The following CDH12 variants were observed in gnomAD, a reference collection of about 807,000 sequenced individuals.
CDH12 encodes cadherin 12.
A neutral mutation model predicts 74.1 loss-of-function variants in CDH12; 41 were observed. That is an observed-to-expected ratio of 0.55 (90% CI 0.43 to 0.72). The LOEUF is 0.72. CDH12 is among the 30% of genes least tolerant of loss of function. The pLI, the probability that CDH12 is intolerant of heterozygous loss-of-function variation, is 0.00. For synonymous variants in CDH12, 399 were observed against 355.0 expected (o/e 1.12, Z -1.39); for missense variants, 945 against 977.2 (o/e 0.97, Z 0.44).
At position 22,182,990 on chromosome 5, in the gene CDH12, T is replaced by C. The variant is rs1287400876; in HGVS notation, c.-187+29508A>G. ...TTAGAAGAATAATAGAGATAAGTAC[T>C]ACATGGTGCTCAAAGAGAGAAGTGG... On this transcript the variant is annotated intron_variant, in intron 4 of 14. Transcript: ENST00000382254. 3.3e-5 allele frequency among the ~76,000 whole-genome samples: 5 copies of C among 151,508 alleles called. No homozygotes were observed. In the East Asian group the frequency reaches 7.7e-4, roughly 23 times the overall value.
At chr5:22,152,424 T>C (rs13154299) in intron 4 of CDH12, 4 of 152,162 alleles carry the variant, frequency 2.6e-5, no homozygotes, top group Admixed American at 6.6e-5. Flanking sequence ...TGCCTGAGGC[T>C]GTATCATCAA....
chr5:22,305,633 C>A (rs190864278), intron 3 of CDH12, among the ~76,000 whole-genome samples: 1 of 152,190 alleles, frequency 6.6e-6, no homozygotes, highest in Admixed American at 6.5e-5. Context: ...AGGGCATAAC[C>A]TTGGGAGACC....
intron 3 of CDH12, among the ~76,000 whole-genome samples, chr5:22,307,949 C>T (rs565994326): frequency 2.2e-4 from 27 of 125,534 alleles, no homozygotes; most frequent in African/African-American, 5.2e-4. Flanking sequence ...GGCGCGATCT[C>T]GGCTCACTGC....
intron 1 of CDH12, among the ~76,000 whole-genome samples, chr5:22,780,424 A>G (rs191207626): frequency 4.3e-4 from 65 of 152,228 alleles, no homozygotes; most frequent in Non-Finnish European, 6.9e-4. Context: ...ATTGACTCAT[A>G]TTTCTGCATG....
At chr5:22,592,437 C>T (rs1419190328) in intron 1 of CDH12, among the ~76,000 whole-genome samples, 1 of 152,182 alleles carries the variant, frequency 6.6e-6, no homozygotes, top group East Asian at 1.9e-4. Flanking sequence ...GCCATCTTCT[C>T]CTTCTTCTAG....
intron 1 of CDH12, among the ~76,000 whole-genome samples, chr5:22,767,148 C>A (rs567098962): frequency 6.6e-6 from 1 of 151,834 alleles, no homozygotes; most frequent in Non-Finnish European, 1.5e-5. Context: ...TCCACCTTGT[C>A]TAGGATTGAT....
At chr5:22,365,828 A>G (rs933450045) in intron 3 of CDH12, among the ~76,000 whole-genome samples, 26 of 152,198 alleles carry the variant, frequency 1.7e-4, no homozygotes, top group Non-Finnish European at 1.5e-5. Context: ...AATATTCTAA[A>G]CTATTGTATT....
At position 22,279,909 on chromosome 5, in the gene CDH12, G is replaced by T. The variant is rs1736803057; in HGVS notation, c.-332-67266C>A. On this transcript the variant is annotated intron_variant, in intron 3 of 14. Coordinates refer to ENST00000382254, the MANE Select transcript of CDH12 (RefSeq NM_004061.5). ...ATATACCCGGTAATGGGATGGCTGG[G>T]TCAAATGGTATTTCTAGTTTTAGAT... 2.0e-5 allele frequency among the ~76,000 whole-genome samples: 3 copies of T among 152,252 alleles called. No individual in the cohort carries two copies. In the South Asian group the frequency reaches 6.2e-4, roughly 32 times the overall value.
chr5:22,112,346 T>C (rs1054486811), intron 4 of CDH12, among the ~76,000 whole-genome samples: 15 of 152,146 alleles, frequency 9.9e-5, no homozygotes, highest in Non-Finnish European at 2.1e-4. Flanking sequence ...TTTTTCTTTT[T>C]GATGCATTCA....
chr5:22,000,018 C>A (rs903520696), intron 5 of CDH12, among the ~76,000 whole-genome samples: 1 of 152,000 alleles, frequency 6.6e-6, no homozygotes, highest in African/African-American at 2.4e-5. Context: ...TGTCTAGTTT[C>A]TTTTTCCCAT....
rs76472560 is a variant in CDH12 at position 22,775,191 on chromosome 5, G to A, written c.-523+77867C>T. Among the ~76,000 whole-genome samples the A allele has an allele frequency of 8.7e-3, 1,322 of 152,108 alleles. 23 individuals are homozygous for A. The highest frequency in any genetic ancestry group is 0.03 in the African/African-American group (1,262 of 41,494). ...TCAACGTAAGTGAAATTTTGACCTA[G>A]TTGTGCTTGGATGCATCAGCCTGGA... is the stretch of plus-strand genomic sequence containing the variant. On this transcript the variant is annotated intron_variant, in intron 1 of 14. Coordinates refer to ENST00000382254, the MANE Select transcript of CDH12 (RefSeq NM_004061.5).
intron 1 of CDH12, among the ~76,000 whole-genome samples, chr5:22,726,674 A>G (rs1459363905): frequency 6.6e-6 from 1 of 151,802 alleles, no homozygotes; most frequent in East Asian, 1.9e-4. Flanking sequence ...GTAGTGTCAC[A>G]TGATGTTTTT....
At chr5:22,264,060 A>C (rs1561265906) in intron 3 of CDH12, among the ~76,000 whole-genome samples, 1 of 151,586 alleles carries the variant, frequency 6.6e-6, no homozygotes, top group Non-Finnish European at 1.5e-5. Flanking sequence ...CTGAAAATCT[A>C]TATGTATGTA....
chr5:22,369,240 T>C (rs979779397), intron 3 of CDH12, among the ~76,000 whole-genome samples: 4 of 152,226 alleles, frequency 2.6e-5, no homozygotes, highest in African/African-American at 9.6e-5. Context: ...ACAATGTATT[T>C]TGCTTCATAC....
At chr5:22,437,719 A>G (rs1268669877) in intron 2 of CDH12, among the ~76,000 whole-genome samples, 3 of 151,928 alleles carry the variant, frequency 2.0e-5, no homozygotes, top group Non-Finnish European at 4.4e-5. Context: ...CTCACAATCA[A>G]TCAATCAATC....
intron 3 of CDH12, among the ~76,000 whole-genome samples, chr5:22,352,562 G>A (rs542095983): frequency 6.6e-6 from 1 of 152,218 alleles, no homozygotes; most frequent in East Asian, 1.9e-4. Context: ...GAAAAAATAG[G>A]AGAGAGAGAC....
intron 1 of CDH12, among the ~76,000 whole-genome samples, chr5:22,601,642 T>G (rs1488435955): frequency 6.6e-6 from 1 of 152,074 alleles, no homozygotes; most frequent in Admixed American, 6.6e-5. Context: ...CAGTCAATTA[T>G]TTTTAAGTTA....
chr5:22,539,858 C>G (rs1293248835), intron 1 of CDH12, among the ~76,000 whole-genome samples: 1 of 152,180 alleles, frequency 6.6e-6, no homozygotes, highest in Non-Finnish European at 1.5e-5. Flanking sequence ...AGAACCCAAT[C>G]TTGGTTTCAA....
At chr5:22,360,224 T>C (rs1217708867) in intron 3 of CDH12, among the ~76,000 whole-genome samples, 2 of 151,520 alleles carry the variant, frequency 1.3e-5, no homozygotes, top group Non-Finnish European at 2.9e-5. Context: ...ATCAAATAGA[T>C]GCAATAAAAA....
Sources: gnomAD v4.1 joint callset for allele counts (sites outside exome capture counted in the v4.1 genomes callset) on GRCh38, gnomAD v4.1.1 for gene constraint, MANE v1.5 for transcripts, NCBI Gene and HGNC (gene_info 2026-07-23, HGNC 2026-07-21) for gene names.